The following CREM variants were observed in gnomAD, a reference collection of about 807,000 sequenced individuals.
CREM encodes the protein cAMP-responsive element modulator.
In CREM, 13 loss-of-function variants were observed where a neutral mutation model predicts 37.3. The observed-to-expected ratio is 0.35, with a 90% CI of 0.23 to 0.55. The LOEUF (loss-of-function observed/expected upper bound fraction) is 0.55. CREM is among the 20% of genes least tolerant of loss of function. CREM has a pLI of 0.88. For synonymous variants in CREM, 124 were observed against 120.2 expected (o/e 1.03, Z -0.21); for missense variants, 296 against 362.3 (o/e 0.82, Z 1.49).
chr10:35,196,344 A>G, intron 6 of CREM: 2 of 513,278 alleles, frequency 3.9e-6, no homozygotes, highest in Non-Finnish European at 6.9e-6. Context: ...TCTCAGTAAC[A>G]AAGAGTGATT....
At chr10:35,128,258 A>G (rs2088409067) in intron 1 of CREM, among the ~76,000 whole-genome samples, 1 of 152,164 alleles carries the variant, frequency 6.6e-6, no homozygotes, top group South Asian at 2.1e-4. Context: ...ATCACATTTT[A>G]AGAAATTGGG....
At chr10:35,169,525 T>A (rs1395042202) in intron 3 of CREM, among the ~76,000 whole-genome samples, 2 of 152,202 alleles carry the variant, frequency 1.3e-5, no homozygotes, top group African/African-American at 2.4e-5. Flanking sequence ...AAATATACAA[T>A]CATGTCATCT....
chr10:35,185,797 T>G (rs901265725), intron 5 of CREM, among the ~76,000 whole-genome samples: 4 of 152,232 alleles, frequency 2.6e-5, no homozygotes, highest in African/African-American at 7.2e-5. Flanking sequence ...TAACTGACTC[T>G]TCAGTTTCTG....
chr10:35,194,640 T>G (rs2095069906), intron 6 of CREM, among the ~76,000 whole-genome samples: 1 of 152,306 alleles, frequency 6.6e-6, no homozygotes, highest in Middle Eastern at 3.4e-3. Flanking sequence ...AGCAAATGGC[T>G]CAGCAAATAA....
chr10:35,128,836 G>A (rs2088693565), intron 1 of CREM, among the ~76,000 whole-genome samples: 1 of 152,002 alleles, frequency 6.6e-6, no homozygotes, highest in African/African-American at 2.4e-5. Flanking sequence ...TTTTTTCCTA[G>A]TCTTGATTCT....
At chr10:35,210,851 G>A (rs115984013) in intron 7 of CREM, 91 of 154,814 alleles carry the variant, frequency 5.9e-4, no homozygotes, top group African/African-American at 1.9e-3. Flanking sequence ...ATTTTTGATC[G>A]AATAAAATTA....
intron 5 of CREM, among the ~76,000 whole-genome samples, chr10:35,183,494 G>T (rs1281774297): frequency 2.6e-5 from 4 of 152,154 alleles, no homozygotes; most frequent in Non-Finnish European, 5.9e-5. Flanking sequence ...TTTAAACTTT[G>T]ATGTTGCTAT....
In CREM at chr10:35,133,571, T is replaced by G. The variant is rs113228220; in HGVS notation, c.-54-4211T>G. 6.2e-3 allele frequency among the ~76,000 whole-genome samples: 942 copies of G among 152,336 alleles called. 12 individuals are homozygous for G. The highest frequency in any genetic ancestry group is 0.021 in the African/African-American group (892 of 41,566). The stretch of plus-strand genomic sequence containing the variant: ...AACTTGGCCTCCGAAAATGCTGGGA[T>G]TACAGGCGTGAGCCATGGCGCCTGT... On this transcript the variant is annotated intron_variant, in intron 1 of 7. Coordinates refer to ENST00000685392, the MANE Select transcript of CREM (RefSeq NM_183011.2).
chr10:35,209,263 A>G (rs1336892251), intron 7 of CREM: 1 of 937,586 alleles, frequency 1.1e-6, no homozygotes, highest in Non-Finnish European at 1.3e-6. Flanking sequence ...TCGATATCTC[A>G]TTATATCGTA....
chr10:35,185,844 C>T (rs1233311883), intron 5 of CREM, among the ~76,000 whole-genome samples: 4 of 152,180 alleles, frequency 2.6e-5, no homozygotes, highest in African/African-American at 7.2e-5. Context: ...ACACAGAGAA[C>T]GCAGCATGTG....
chr10:35,167,595 G>A (rs1401851425), intron 3 of CREM: 4 of 831,448 alleles, frequency 4.8e-6, no homozygotes, highest in Non-Finnish European at 7.9e-6. Flanking sequence ...TTACAACACT[G>A]TGAGGTTTTC....
intron 5 of CREM, among the ~76,000 whole-genome samples, chr10:35,182,959 A>G (rs2094414383): frequency 1.3e-5 from 2 of 152,256 alleles, no homozygotes; most frequent in Admixed American, 6.5e-5. Flanking sequence ...CAGTTAAGAT[A>G]GGCAGTAAAT....
chr10:35,168,583 G>A (rs2093661843), intron 3 of CREM, among the ~76,000 whole-genome samples: 1 of 152,134 alleles, frequency 6.6e-6, no homozygotes, highest in South Asian at 2.1e-4. Context: ...CTTTTGCTGT[G>A]CAGAAGCTCT....
chr10:35,130,688 C>T (rs908440035), intron 1 of CREM, among the ~76,000 whole-genome samples: 1 of 152,178 alleles, frequency 6.6e-6, no homozygotes, highest in African/African-American at 2.4e-5. Flanking sequence ...GTGTTCTAAT[C>T]GTCTGCAGTA....
chr10:35,135,721 GAAAA>G lies in CREM; in HGVS notation c.-54-2042_-54-2039del, dbSNP rs9336981. On this transcript the variant is annotated intron_variant, in intron 1 of 7. Transcript: ENST00000685392. Reference sequence around the variant, plus strand: ...GGCAACATAGTGATACCTATTTCTGGAAAAAAAAAAAAAAAAAAAAAAGAGAGAC... The same window carrying G: ...GGCAACATAGTGATACCTATTTCTGGAAAAAAAAAAAAAAAAAAGAGAGAC... Among the ~76,000 whole-genome samples the G allele has an allele frequency of 1.9e-3, 98 of 50,554 alleles. 1 individual carries two copies. The highest frequency in any genetic ancestry group is 7.0e-3 in the African/African-American group (93 of 13,328). 33.2% of individuals were successfully genotyped at this position (50,554 alleles called of 152,430 possible).
In CREM at chr10:35,212,460, G is replaced by T. The variant is rs1214162676; in HGVS notation, c.*1062G>T. 2 of 152,752 alleles carry T rather than the reference G, an allele frequency of 1.3e-5. No individual in the cohort carries two copies. The highest frequency in any genetic ancestry group is 4.8e-5 in the African/African-American group (2 of 41,454). The allele number at this position is 152,752 out of a possible 1,614,324, so 9.5% of individuals were successfully genotyped here. A position where few individuals can be genotyped will look rare whatever the true frequency, so the allele number is the denominator to read the frequency against. ...TCTACTGTGTAATATAAAAGATCTT[G>T]CAGAAGTTCTTAGTGTTGGTTTAAT... is the stretch of plus-strand genomic sequence containing the variant. On this transcript the variant is annotated 3_prime_UTR_variant, in exon 8 of 8. Coordinates refer to ENST00000685392, the MANE Select transcript of CREM (RefSeq NM_183011.2).
At chr10:35,169,748 T>A (rs1420523850) in intron 3 of CREM, among the ~76,000 whole-genome samples, 2 of 152,170 alleles carry the variant, frequency 1.3e-5, no homozygotes, top group Non-Finnish European at 2.9e-5. Context: ...ATAGCTCTTA[T>A]TATTTTGAGA....
chr10:35,196,211 C>T, intron 6 of CREM: 1 of 1,058,648 alleles, frequency 9.4e-7, no homozygotes, highest in Non-Finnish European at 1.4e-6. Flanking sequence ...CTTACTCCAT[C>T]TATAGGAACT....
At position 35,168,824 on chromosome 10, in the gene CREM, A is replaced by G. The variant is rs191257265; in HGVS notation, c.169-10065A>G. Reference sequence around the variant, plus strand: ...TTCAGCTTTTTACATATGGCAAACCAGTTTTCCCAGCACCATTAATTAAAT... The same window carrying G: ...TTCAGCTTTTTACATATGGCAAACCGGTTTTCCCAGCACCATTAATTAAAT... On this transcript the variant is annotated intron_variant, in intron 3 of 7. Transcript: ENST00000685392. Among the ~76,000 whole-genome samples the G allele has an allele frequency of 3.3e-4, 51 of 152,336 alleles. No homozygotes were observed. The South Asian group carries it at 5.0e-3, about 15-fold the overall frequency.
Sources: gnomAD v4.1 joint callset for allele counts (sites outside exome capture counted in the v4.1 genomes callset) on GRCh38, gnomAD v4.1.1 for gene constraint, MANE v1.5 for transcripts, NCBI Gene and HGNC (gene_info 2026-07-23, HGNC 2026-07-21) for gene names.